Variants in RFC3 observed in about 807,000 individuals in gnomAD.
RFC3 encodes A1 38 kDa subunit.
A neutral mutation model predicts 45.1 loss-of-function variants in RFC3; 41 were observed. The observed-to-expected ratio is 0.91, with a 90% CI of 0.71 to 1.18. RFC3 has a LOEUF of 1.18. Ranked by LOEUF, RFC3 falls within the 50% of genes most tolerant of loss-of-function variation. The probability of loss-of-function intolerance (pLI) is 0.00; values close to 1 mark genes in which losing one functional copy is unlikely to be tolerated. For synonymous variants in RFC3, 149 were observed against 144.0 expected, an observed-to-expected ratio of 1.03 and a Z score of -0.25; for missense variants, 423 against 428.1, an observed-to-expected ratio of 0.99 and a Z score of 0.10.
At chr13:33,923,376 A>G (rs1236546952) in intron 8 of RFC3, among the ~76,000 whole-genome samples, 3 of 152,114 alleles carry the variant, frequency 2.0e-5, no homozygotes, top group Non-Finnish European at 2.9e-5. Context: ...AGGAATAGCC[A>G]CAAAAGGCTG....
chr13:33,824,318 A>G (rs980156530), intron 3 of RFC3, among the ~76,000 whole-genome samples: 2 of 152,158 alleles, frequency 1.3e-5, no homozygotes, highest in Non-Finnish European at 2.9e-5. Context: ...AAAAGTTTAC[A>G]GTGTTTGGAG....
At chr13:33,958,027 C>T (rs1566042575) in intron 8 of RFC3, among the ~76,000 whole-genome samples, 1 of 152,058 alleles carries the variant, frequency 6.6e-6, no homozygotes, top group Non-Finnish European at 1.5e-5. Context: ...ATCATACTAA[C>T]AAAATTAGAC....
intron 8 of RFC3, among the ~76,000 whole-genome samples, chr13:33,901,648 A>G (rs2082642549): frequency 6.6e-6 from 1 of 152,094 alleles, no homozygotes; most frequent in Non-Finnish European, 1.5e-5. Flanking sequence ...ACTATAGTTT[A>G]TAATAATCTA....
chr13:33,872,217 A>G (rs947643752), intron 8 of RFC3, among the ~76,000 whole-genome samples: 2 of 152,152 alleles, frequency 1.3e-5, no homozygotes, highest in Admixed American at 1.3e-4. Context: ...GGAAAGGGAG[A>G]TGCCCATTAC....
Position 33,831,250 on chromosome 13 carries a change from A to G in RFC3, c.711-6A>G. ...TAACTTCTTGTGTTCTCTTTTTGTCATGTAGATATCCTTTTACTGCAGATC... is the reference window on the plus strand; with the variant it reads ...TAACTTCTTGTGTTCTCTTTTTGTCGTGTAGATATCCTTTTACTGCAGATC... On this transcript the variant is annotated splice_polypyrimidine_tract_variant and splice_region_variant and intron_variant, in intron 6 of 8. Coordinates refer to ENST00000380071, the MANE Select transcript of RFC3 (RefSeq NM_002915.4). The G allele has an allele frequency of 6.5e-7, 1 of 1,542,780 alleles. No individual in the cohort carries two copies. The highest frequency in any genetic ancestry group is 9.0e-7 in the Non-Finnish European group (1 of 1,115,284).
At chr13:33,848,584 G>GT (rs1222216688) in intron 8 of RFC3, 1 of 152,112 alleles carries the variant, frequency 6.6e-6, no homozygotes, top group Non-Finnish European at 1.5e-5. Flanking sequence ...CCTTTAGCAT[G>GT]TAAGTTGACC....
At position 33,862,355 on chromosome 13, in the gene RFC3, G is replaced by T. The variant is rs193035520; in HGVS notation, c.879+27138G>T. Among the ~76,000 whole-genome samples the T allele has an allele frequency of 4.0e-5, 6 of 148,716 alleles. No homozygotes were observed. The East Asian group carries it at 1.2e-3, about 30-fold the overall frequency. Reference sequence around the variant, plus strand: ...ACATGTTGTGAAGTATAATTGCAATGAAATATATTTAACAGTTATTTTTGA... The same window carrying T: ...ACATGTTGTGAAGTATAATTGCAATTAAATATATTTAACAGTTATTTTTGA... On this transcript the variant is annotated intron_variant, in intron 8 of 8. Coordinates refer to the RFC3 transcript ENST00000434425.
intron 4 of RFC3, among the ~76,000 whole-genome samples, chr13:33,827,355 C>A (rs1246317992): frequency 6.6e-6 from 1 of 152,114 alleles, no homozygotes; most frequent in East Asian, 1.9e-4. Flanking sequence ...GTTGAATTTG[C>A]TGTTTTCTGC....
intron 8 of RFC3, among the ~76,000 whole-genome samples, chr13:33,948,640 C>T (rs540693678): frequency 6.6e-6 from 1 of 152,200 alleles, no homozygotes; most frequent in Non-Finnish European, 1.5e-5. Flanking sequence ...AGGGGCTGTA[C>T]CCTGCAAAGC....
At chr13:33,830,878 T>C (rs1566382348) in intron 6 of RFC3, 23 bp downstream of exon 6, 10 of 1,589,868 alleles carry the variant, frequency 6.3e-6, no homozygotes, top group Non-Finnish European at 7.7e-6. Context: ...GGTAGTTACA[T>C]TCTAGGACTT....
chr13:33,850,894 A>G (rs1325035653), intron 8 of RFC3: 1 of 152,194 alleles, frequency 6.6e-6, no homozygotes, highest in African/African-American at 2.4e-5. Flanking sequence ...ACATTGATCA[A>G]AATTAGAAAA....
intron 8 of RFC3, chr13:33,850,915 A>G (rs1423595245): frequency 6.6e-6 from 1 of 152,186 alleles, no homozygotes; most frequent in African/African-American, 2.4e-5. Flanking sequence ...CATAACTAAG[A>G]CAATTCTTCT....
At chr13:33,891,892 T>G (rs1334668267) in intron 8 of RFC3, among the ~76,000 whole-genome samples, 1 of 152,146 alleles carries the variant, frequency 6.6e-6, no homozygotes, top group Admixed American at 6.6e-5. Flanking sequence ...GTGAAAACTT[T>G]CAGAGGAATG....
Position 33,836,587 on chromosome 13 carries a change from C to T in RFC3, c.*292C>T, listed in dbSNP as rs551465548. 1.6e-5 allele frequency: 17 copies of T among 1,058,376 alleles called. No individual in the cohort carries two copies. The South Asian group carries it at 4.6e-4, about 28-fold the overall frequency. 65.6% of individuals were successfully genotyped at this position (1,058,376 alleles called of 1,614,324 possible). On this transcript the variant is annotated 3_prime_UTR_variant, in exon 9 of 9. Transcript: ENST00000380071. ...CATTGTTGATCCTCCTATTCTCTTC[C>T]GTCTAATCTCTCACCTGCTAAAGGA...
At chr13:33,914,359 C>A (rs1410870094) in intron 8 of RFC3, among the ~76,000 whole-genome samples, 1 of 152,126 alleles carries the variant, frequency 6.6e-6, no homozygotes, top group East Asian at 1.9e-4. Flanking sequence ...TGAACATCCA[C>A]TATTATACTT....
At chr13:33,879,469 C>T (rs2082468237) in intron 8 of RFC3, among the ~76,000 whole-genome samples, 1 of 152,110 alleles carries the variant, frequency 6.6e-6, no homozygotes, top group Admixed American at 6.6e-5. Flanking sequence ...TTCTTCCATT[C>T]ACTCCCACGA....
intron 8 of RFC3, among the ~76,000 whole-genome samples, chr13:33,954,586 CAACA>C (rs2083010356): frequency 6.6e-6 from 1 of 152,148 alleles, no homozygotes; most frequent in African/African-American, 2.4e-5. Flanking sequence ...GTAGTTTAAA[CAACA>C]AACATTTATT....
At chr13:33,916,204 C>T (rs1403283804) in intron 8 of RFC3, among the ~76,000 whole-genome samples, 1 of 152,198 alleles carries the variant, frequency 6.6e-6, no homozygotes, top group East Asian at 1.9e-4. Flanking sequence ...CTGCCATTTG[C>T]ATGTTGTATA....
At chr13:33,976,356 A>ATG in the RFC3 span, among the ~76,000 whole-genome samples, 2 of 152,150 alleles carry the variant, frequency 1.3e-5, no homozygotes, top group African/African-American at 4.8e-5. Context: ...TCTCATTCAT[A>ATG]TGTGGAAGTG....
Sources: allele counts gnomAD v4.1 joint callset (sites outside exome capture counted in the v4.1 genomes callset), GRCh38; gene constraint gnomAD v4.1.1; transcripts MANE v1.5; gene names NCBI Gene and HGNC (gene_info 2026-07-23, HGNC 2026-07-21).